The following IGSF8 variants were observed in gnomAD, a reference collection of about 807,000 sequenced individuals.
IGSF8 encodes the protein CD81 partner 3.
In IGSF8, 46 loss-of-function variants were observed where a neutral mutation model predicts 55.5. The observed-to-expected ratio is 0.83, with a 90% CI of 0.65 to 1.06. The LOEUF (loss-of-function observed/expected upper bound fraction) is 1.06, where lower values mean the gene tolerates loss of function less well. Among genes scored for constraint, IGSF8 ranks in the 50% least tolerant of loss-of-function variants. IGSF8 has a pLI of 0.00. For missense variants in IGSF8, 731 were observed against 832.3 expected (o/e 0.88, Z 1.50); for synonymous variants, 314 against 356.1 (o/e 0.88, Z 1.33).
At chr1:160,091,652 G>C (rs1649960205) in intron 6 of IGSF8, 44 bp from the exon 7 acceptor site, 4 of 621,428 alleles carry the variant, frequency 6.4e-6, no homozygotes, top group Non-Finnish European at 8.8e-6. Context: ...AGAGCCCTGA[G>C]TGGGGCTCCC....
Position 160,094,908 on chromosome 1 carries a change from G to A in IGSF8, c.403C>T (p.Arg135Cys). The A allele has an allele frequency of 6.2e-7, 1 of 1,613,880 alleles. No homozygotes were observed. Among genetic ancestry groups the A allele is most frequent in the Non-Finnish European group, 8.5e-7 (1 of 1,179,938 alleles). ...YECHTPSTDT[R>C]YLGSYSGKVE... is the part of the protein sequence containing the mutation. ...TTGCCGCTGTAGCTGCCCAGGTAGC[G>A]GGTATCAGTGGAGGGGGTGTGGCAC... The change falls in exon 2 of 7, where the codon CGC becomes TGC. Residue 135 changes from arginine (R) to cysteine (C), a missense_variant. By Grantham distance (180) the Arg-to-Cys change is radical (BLOSUM62 -3). Coordinates refer to ENST00000314485, the MANE Select transcript of IGSF8 (RefSeq NM_052868.6). This position sits in a 1 kb window ranked among gnomAD's most constrained non-coding sequence, Gnocchi z 4.0.
chr1:160,098,695 C>G, upstream of IGSF8: 2 of 513,622 alleles, frequency 3.9e-6, no homozygotes, highest in South Asian at 2.5e-5. Flanking sequence ...CCGGCCCGCC[C>G]CGGCACCGCC....
chr1:160,093,509 C>A (rs1650167374), intron 3 of IGSF8, among the ~76,000 whole-genome samples, 178 bp from the exon 4 acceptor site: 1 of 152,176 alleles, frequency 6.6e-6, no homozygotes, highest in Admixed American at 6.5e-5. Flanking sequence ...CAGCATGGGC[C>A]TCCTATCTCT....
intron 1 of IGSF8, among the ~76,000 whole-genome samples, chr1:160,097,517 C>T (rs1650513295): frequency 6.6e-6 from 1 of 152,192 alleles, no homozygotes; most frequent in African/African-American, 2.4e-5. Flanking sequence ...TCCCCACCCC[C>T]ACGCTTCACT....
At position 160,093,838 on chromosome 1, in the gene IGSF8, C is replaced by T. The variant is rs747741741; in HGVS notation, c.776G>A (p.Gly259Asp). 1.2e-6 allele frequency: 2 copies of T among 1,614,134 alleles called. No homozygotes were observed. The highest frequency in any genetic ancestry group is 8.5e-7 in the Non-Finnish European group (1 of 1,180,006). Residue 259 changes from glycine to aspartate, a missense_variant, in exon 3 of 7, where the codon GGT (glycine) becomes GAT (aspartate). By Grantham distance (94) the Gly-to-Asp change is moderately conservative (BLOSUM62 -1). Transcript: ENST00000314485. ...GGTGCCTGCGTCCCCTGCCTGGGCA[C>T]CCCCTACTACCATGCGGTACCGATC... ...GTDRYRMVVG[G>D]AQAGDAGTYH...
At chr1:160,098,778 ACTCCGGCCTTTG>A, upstream of IGSF8, 1 of 230,806 alleles carries the variant, frequency 4.3e-6, no homozygotes, top group Non-Finnish European at 7.2e-6. Flanking sequence ...CCCCCGCCAG[ACTCCGGCCTTTG>A]CTCCGCACCT....
upstream of IGSF8, chr1:160,099,057 G>A (rs1030419731): frequency 5.0e-5 from 7 of 140,490 alleles, no homozygotes; most frequent in African/African-American, 8.1e-5. Context: ...GTCCCCGCAG[G>A]GCTAACGTCA....
At position 160,093,920 on chromosome 1, in the gene IGSF8, C is replaced by T. The variant is rs775936364; in HGVS notation, c.694G>A (p.Ala232Thr). 6.2e-7 allele frequency: 1 copy of T among 1,614,274 alleles called. No individual in the cohort carries two copies. Among genetic ancestry groups the T allele is most frequent in the South Asian group, 1.1e-5 (1 of 91,090 alleles). ...GCAGCCAATCGCTCAGCATAGGGAG[C>T]TCCAGCCTCCACGGCCAAGTCTGAC... ...IRSDLAVEAG[A>T]PYAERLAAGE... is the part of the protein sequence containing the mutation. Residue 232 changes from alanine to threonine, a missense_variant, in exon 3 of 7, where the codon GCT becomes ACT. Ala to Thr is a moderately conservative substitution (Grantham distance 58). Transcript: ENST00000314485.
chr1:160,098,570 G>A lies in IGSF8; in HGVS notation c.-98C>T, dbSNP rs914244150. On this transcript the variant is annotated 5_prime_UTR_variant, in exon 1 of 7. Transcript: ENST00000314485. ...ATGCCCAGGTTGAGGGCAGGAAGCG[G>A]GGCAGCGAGGCGTGGGTGCGCCGAG... is the stretch of plus-strand genomic sequence containing the variant. The A allele has an allele frequency of 5.1e-6, 4 of 786,866 alleles. No homozygotes were observed. Among genetic ancestry groups the A allele is most frequent in the Non-Finnish European group, 7.9e-6 (4 of 508,764 alleles). 48.7% of individuals were successfully genotyped at this position (786,866 alleles called of 1,614,324 possible). A position where few individuals can be genotyped will look rare whatever the true frequency, so the allele number is the denominator to read the frequency against.
Position 160,092,406 on chromosome 1 carries a change from C to T in IGSF8, c.1602G>A (p.Leu534=). 6.2e-7 allele frequency: 1 copy of T among 1,609,680 alleles called. No individual in the cohort carries two copies. The highest frequency in any genetic ancestry group is 1.1e-5 in the South Asian group (1 of 90,992). Residue 534 remains leucine, a synonymous_variant, in exon 5 of 7, where the codon TTG becomes TTA. Transcript: ENST00000314485. ...PRSHRLRLHS[L]GPEDEGVYHC... ...GGTACACGCCTTCATCCTCGGGCCC[C>T]AAGCTGTGTAGTCTCAGCCGATGGC...
chr1:160,092,534 C>G lies in IGSF8; in HGVS notation c.1474G>C (p.Val492Leu). Residue 492 changes from valine (V) to leucine (L), a missense_variant, in exon 5 of 7, where the codon GTC (valine) becomes CTC (leucine). By Grantham distance (32) the Val-to-Leu change is conservative. Transcript: ENST00000314485. ...ACGCCACCCACCAGCTGGGCAGGGA[C>G]AGAGCTGAGCTCTCCGTCCTCTGGT... is the stretch of plus-strand genomic sequence containing the variant. ...ERPEDGELSS[V>L]PAQLVGGVGQ... 6.2e-7 allele frequency: 1 copy of G among 1,612,776 alleles called. No homozygotes were observed. The highest frequency in any genetic ancestry group is 8.5e-7 in the Non-Finnish European group (1 of 1,179,736).
At position 160,093,061 on chromosome 1, in the gene IGSF8, C is replaced by T. The variant is rs1458010184; in HGVS notation, c.1175G>A (p.Arg392Gln). ...ATCACCAGGCCTGGCAGCCTCTAGC[C>T]GTAGCCGGTATGTTCTGGATGCCAC... ...EKVASRTYRL[R>Q]LEAARPGDAG... The change falls in exon 4 of 7, where the codon CGG becomes CAG. Residue 392 changes from arginine to glutamine, a missense_variant. Coordinates refer to ENST00000314485, the MANE Select transcript of IGSF8 (RefSeq NM_052868.6). 9 of 1,614,024 alleles carry T rather than the reference C, an allele frequency of 5.6e-6. No individual in the cohort carries two copies. The highest frequency in any genetic ancestry group is 1.1e-5 in the South Asian group (1 of 91,090).
In IGSF8 at chr1:160,094,850, C is replaced by T; in HGVS notation, c.442+19G>A. ...CCTTGAGAGGGTGTGTGGCTCCACC[C>T]CGTCCCAGGGCCCAGTACCTCTCAG... On this transcript the variant is annotated intron_variant, in intron 2 of 6. Coordinates refer to ENST00000314485, the MANE Select transcript of IGSF8 (RefSeq NM_052868.6). The surrounding 1 kb of genome is among the most constrained non-coding windows in gnomAD (Gnocchi z 4.0). 3 of 1,597,106 alleles carry T rather than the reference C, an allele frequency of 1.9e-6. No individual in the cohort carries two copies. The highest frequency in any genetic ancestry group is 3.4e-5 in the Admixed American group (2 of 59,468).
At position 160,093,390 on chromosome 1, in the gene IGSF8, G is replaced by C. The variant is rs536936060; in HGVS notation, c.905-59C>G. The C allele has an allele frequency of 1.7e-4, 250 of 1,486,548 alleles. 3 individuals are homozygous for C. In the South Asian group the frequency reaches 3.1e-3, roughly 18 times the overall value. 92.1% of individuals were successfully genotyped at this position (1,486,548 alleles called of 1,614,324 possible). A position where few individuals can be genotyped will look rare whatever the true frequency, so the allele number is the denominator to read the frequency against. On this transcript the variant is annotated intron_variant, in intron 3 of 6. Transcript: ENST00000314485. ...GGCAGGAGGGGACACAGAGGCACCC[G>C]ATTCCCCAACTTCCTGTTTCCTACT... is the stretch of plus-strand genomic sequence containing the variant.
At chr1:160,095,368 A>C (rs957774210) in intron 1 of IGSF8, 122 bp from the exon 2 acceptor site, 25 of 980,160 alleles carry the variant, frequency 2.6e-5, no homozygotes, top group Admixed American at 8.2e-5. Context: ...AAGCTTGTCC[A>C]CAGCTTGGAC....
chr1:160,099,368 A>G (rs1282109039), upstream of IGSF8, among the ~76,000 whole-genome samples: 1 of 152,206 alleles, frequency 6.6e-6, no homozygotes, highest in South Asian at 2.1e-4. Flanking sequence ...GGAGTTCCTG[A>G]ATGCGAAGGG....
In IGSF8 at chr1:160,094,134, T is replaced by TG. The variant is rs754902711; in HGVS notation, c.479dup (p.Gly161ArgfsTer18). 2.6e-5 allele frequency: 41 copies of TG among 1,604,930 alleles called. No homozygotes were observed. Among genetic ancestry groups the TG allele is most frequent in the Middle Eastern group, 1.7e-4 (1 of 6,032 alleles). On this transcript the variant is annotated frameshift_variant, in exon 3 of 7. Transcript: ENST00000314485. LOFTEE classifies it high-confidence loss of function. This position sits in a 1 kb window ranked among gnomAD's most constrained non-coding sequence, Gnocchi z 4.0. ...TTGGGGCCTGGCGGCCTCGGGGCCC[T>TG]GGGGGGGCAGCAGACACCTGGAGGA...
At chr1:160,095,803 A>G (rs573830758) in intron 1 of IGSF8, among the ~76,000 whole-genome samples, 1 of 152,218 alleles carries the variant, frequency 6.6e-6, no homozygotes, top group East Asian at 1.9e-4. Context: ...TCACCACACA[A>G]TGCCCTCCCC....
intron 1 of IGSF8, chr1:160,097,589 A>G (rs1280947676): frequency 1.5e-6 from 1 of 659,300 alleles, no homozygotes; most frequent in Non-Finnish European, 1.9e-6. Flanking sequence ...TCTCCATGCC[A>G]TACTCTTCCC....
Sources: allele counts gnomAD v4.1 joint callset (sites outside exome capture counted in the v4.1 genomes callset), GRCh38; gene constraint gnomAD v4.1.1; non-coding constraint Gnocchi (gnomAD v3.1); transcripts MANE v1.5; gene names NCBI Gene and HGNC (gene_info 2026-07-23, HGNC 2026-07-21).